DSCAM: variants seen among roughly 807,000 people sequenced by gnomAD.
DSCAM encodes DS cell adhesion molecule, also known as cell adhesion molecule DSCAM.
In DSCAM, 47 loss-of-function variants were observed where a neutral mutation model predicts 217.7. The ratio of observed to expected loss-of-function variants is 0.22; its 90% confidence interval spans 0.17 to 0.28. The LOEUF is 0.28. Among genes scored for constraint, DSCAM ranks in the 10% least tolerant of loss-of-function variants. The pLI, the probability that DSCAM is intolerant of heterozygous loss-of-function variation, is 1.00. For synonymous variants in DSCAM, 1,056 were observed against 1,015.3 expected (o/e 1.04, Z -0.76); for missense variants, 2,080 against 2,618.3 (o/e 0.79, Z 4.49).
intron 1 of DSCAM, among the ~76,000 whole-genome samples, chr21:40,843,967 T>C (rs983788523): frequency 1.3e-5 from 2 of 151,490 alleles, no homozygotes; most frequent in Non-Finnish European, 2.9e-5. Flanking sequence ...TACATAATCT[T>C]TTACAAATGA....
At chr21:40,358,439 C>A (rs1418483796) in intron 4 of DSCAM, among the ~76,000 whole-genome samples, 2 of 127,586 alleles carry the variant, frequency 1.6e-5, no homozygotes, top group African/African-American at 6.3e-5. Context: ...ATCTTCATGA[C>A]CTTGAAGAGT....
rs567368364 is a variant in DSCAM, at chr21:40,101,454, CA to C, written c.3697-7581del. 1.6e-3 allele frequency among the ~76,000 whole-genome samples: 189 copies of C among 121,596 alleles called. 2 individuals are homozygous for C. The highest frequency in any genetic ancestry group is 7.9e-3 in the African/African-American group (176 of 22,294). The allele number at this position is 121,596 out of a possible 152,430, so 79.8% of individuals were successfully genotyped here. A position where few individuals can be genotyped will look rare whatever the true frequency, so the allele number is the denominator to read the frequency against. ...CATCAGGGACAGATTTCGTGGAAGA[CA>C]GTTTTTTTTTTCACAGATGGATGGA... On this transcript the variant is annotated intron_variant, in intron 20 of 32. Transcript: ENST00000400454.
chr21:40,606,259 T>A (rs1035707945), intron 3 of DSCAM, among the ~76,000 whole-genome samples: 3 of 152,152 alleles, frequency 2.0e-5, no homozygotes, highest in East Asian at 1.9e-4. Flanking sequence ...TGTCTCAGTG[T>A]TGGTGTTGGG....
At chr21:40,320,188 G>A (rs2074244657) in intron 8 of DSCAM, among the ~76,000 whole-genome samples, 1 of 152,056 alleles carries the variant, frequency 6.6e-6, no homozygotes, top group South Asian at 2.1e-4. Context: ...ATGTACCTTG[G>A]AACTTAAAAT....
intron 3 of DSCAM, among the ~76,000 whole-genome samples, chr21:40,641,909 A>G (rs553634887): frequency 1.3e-5 from 2 of 152,184 alleles, no homozygotes; most frequent in South Asian, 4.1e-4. Context: ...TTAGCTGGGC[A>G]TGGTGGCCAG....
intron 1 of DSCAM, among the ~76,000 whole-genome samples, chr21:40,720,115 C>T (rs1041074359): frequency 6.6e-6 from 1 of 152,108 alleles, no homozygotes; most frequent in African/African-American, 2.4e-5. Flanking sequence ...CTAAAACAGG[C>T]TATCGAATTT....
rs527521377 is a variant in DSCAM at position 40,279,542 on chromosome 21, T to A, written c.2183-3272A>T. Among the ~76,000 whole-genome samples the A allele has an allele frequency of 2.5e-3, 382 of 152,344 alleles. 3 individuals carry two copies. The highest frequency in any genetic ancestry group is 8.8e-3 in the African/African-American group (364 of 41,584). ...ACTGTTAGTGGGAGTGTAAATTAGTTTGACCACTGTGGAAGACAGTGTGGC... is the reference window on the plus strand; with the variant it reads ...ACTGTTAGTGGGAGTGTAAATTAGTATGACCACTGTGGAAGACAGTGTGGC... On this transcript the variant is annotated intron_variant, in intron 10 of 32. Coordinates refer to ENST00000400454, the MANE Select transcript of DSCAM (RefSeq NM_001389.5).
chr21:40,608,751 A>G (rs2089275278), intron 3 of DSCAM, among the ~76,000 whole-genome samples: 1 of 152,214 alleles, frequency 6.6e-6, no homozygotes, highest in Non-Finnish European at 1.5e-5. Context: ...AAATTTAAAT[A>G]AATTCACATA....
chr21:40,213,373 A>G (rs377028901), intron 11 of DSCAM, among the ~76,000 whole-genome samples: 24 of 152,284 alleles, frequency 1.6e-4, no homozygotes, highest in South Asian at 1.2e-3. Flanking sequence ...CTCCCTGTGC[A>G]CACATAGGTT....
intron 20 of DSCAM, among the ~76,000 whole-genome samples, chr21:40,099,387 C>T (rs1442701026): frequency 4.6e-5 from 7 of 152,052 alleles, no homozygotes; most frequent in Non-Finnish European, 8.8e-5. Context: ...TTAATTTCTC[C>T]GTAGGTTAGG....
chr21:40,164,164 G>A (rs2090569281), intron 16 of DSCAM, among the ~76,000 whole-genome samples: 2 of 152,194 alleles, frequency 1.3e-5, no homozygotes, highest in Admixed American at 6.5e-5. Flanking sequence ...CTGAGCCATC[G>A]CCAAGAGCAA....
chr21:40,584,692 C>G (rs140273409), intron 3 of DSCAM, among the ~76,000 whole-genome samples: 1 of 152,204 alleles, frequency 6.6e-6, no homozygotes, highest in Non-Finnish European at 1.5e-5. Flanking sequence ...TGCACAGTTA[C>G]CAGGTCCTGC....
intron 3 of DSCAM, among the ~76,000 whole-genome samples, chr21:40,427,398 C>T (rs1322461278): frequency 2.0e-5 from 3 of 152,194 alleles, no homozygotes; most frequent in Non-Finnish European, 4.4e-5. Flanking sequence ...CTCAATTGTT[C>T]AATAGGTTAA....
At chr21:40,337,002 T>C (rs774183319) in intron 8 of DSCAM, among the ~76,000 whole-genome samples, 26 of 152,232 alleles carry the variant, frequency 1.7e-4, no homozygotes, top group Non-Finnish European at 2.9e-4. Flanking sequence ...TTTATAATTA[T>C]GTGCAGGCAT....
At chr21:40,537,599 A>G (rs770711244) in intron 3 of DSCAM, among the ~76,000 whole-genome samples, 9 of 152,166 alleles carry the variant, frequency 5.9e-5, no homozygotes, top group Non-Finnish European at 1.2e-4. Flanking sequence ...ATTATAGTAG[A>G]GTAGGACGGG....
chr21:40,411,955 G>A (rs1366287428), intron 3 of DSCAM, among the ~76,000 whole-genome samples: 1 of 152,190 alleles, frequency 6.6e-6, no homozygotes, highest in East Asian at 1.9e-4. Context: ...AGTTGTTTGG[G>A]TTATGGAGTT....
chr21:40,296,138 T>C lies in DSCAM; in HGVS notation c.2099A>G (p.Asp700Gly). ...GATGACTGCTTTGCCATAAATCCCG[T>C]CCTGGTCCCGTGGCTGAACCACAAA... The part of the protein sequence containing the change: ...PKFVVQPRDQ[D>G]GIYGKAVILN... The change falls in exon 10 of 33, where the codon GAC becomes GGC. Residue 700 changes from aspartate to glycine, a missense_variant. By Grantham distance (94) the Asp-to-Gly change is moderately conservative. This residue lies in a region of DSCAM where 218 missense variants were observed against 364.1 expected (regional missense o/e 0.60). Coordinates refer to ENST00000400454, the MANE Select transcript of DSCAM (RefSeq NM_001389.5). 1 of 1,614,118 alleles carries C rather than the reference T, an allele frequency of 6.2e-7. No homozygotes were observed. The highest frequency in any genetic ancestry group is 8.5e-7 in the Non-Finnish European group (1 of 1,179,974).
At position 40,118,989 on chromosome 21, in the gene DSCAM, C is replaced by T. The variant is rs141389331; in HGVS notation, c.3696+5206G>A. Among the ~76,000 whole-genome samples, 199 of 152,298 alleles carry T rather than the reference C, an allele frequency of 1.3e-3. 1 individual carries two copies. Among genetic ancestry groups the T allele is most frequent in the South Asian group, 8.9e-3 (43 of 4,826 alleles). On this transcript the variant is annotated intron_variant, in intron 20 of 32. Transcript: ENST00000400454. ...GATTTGTGCTTGGAGCGTTTACCTG[C>T]CTATGTCAGCGCCTCAGAGATTTCT... is the stretch of plus-strand genomic sequence containing the variant.
chr21:40,295,967 C>T lies in DSCAM; in HGVS notation c.2182+88G>A, dbSNP rs766987101. 583 of 1,487,742 alleles carry T rather than the reference C, an allele frequency of 3.9e-4. 1 individual carries two copies. Among genetic ancestry groups the T allele is most frequent in the Non-Finnish European group, 4.7e-4 (522 of 1,108,828 alleles). 92.2% of individuals were successfully genotyped at this position (1,487,742 alleles called of 1,614,324 possible). ...GAGATACGTATCTACTTGCAAGAAA[C>T]TTCTCTGGAAATCTAGAAATGCTTA... On this transcript the variant is annotated intron_variant, in intron 10 of 32. Transcript: ENST00000400454.
Sources: allele counts gnomAD v4.1 joint callset (sites outside exome capture counted in the v4.1 genomes callset), GRCh38; gene constraint gnomAD v4.1.1; regional missense constraint gnomAD v4.1.1; transcripts MANE v1.5; gene names NCBI Gene and HGNC (gene_info 2026-07-23, HGNC 2026-07-21).